The following CNTN1 variants were observed in gnomAD, a reference collection of about 807,000 sequenced individuals.
CNTN1 encodes the protein contactin 1.
CNTN1 carries 38 observed loss-of-function variants against 126.4 expected under a neutral mutation model. The observed-to-expected ratio is 0.30, with a 90% CI of 0.23 to 0.39. The LOEUF (loss-of-function observed/expected upper bound fraction) is 0.39, where lower values mean the gene tolerates loss of function less well. CNTN1 is among the 10% of genes least tolerant of loss of function. The pLI is 1.00. For missense variants in CNTN1, 1,009 were observed against 1,248.4 expected (o/e 0.81, Z 2.89); for synonymous variants, 413 against 422.6 (o/e 0.98, Z 0.28).
intron 1 of CNTN1, among the ~76,000 whole-genome samples, chr12:40,699,934 T>C (rs1331715819): frequency 2.0e-5 from 3 of 152,192 alleles, no homozygotes; most frequent in African/African-American, 7.2e-5. Context: ...ACAACAATCT[T>C]GATAATAATA....
chr12:40,986,187 C>T (rs1185950582), intron 16 of CNTN1, among the ~76,000 whole-genome samples: 1 of 152,152 alleles, frequency 6.6e-6, no homozygotes, highest in Non-Finnish European at 1.5e-5. Flanking sequence ...ATGATTTAAA[C>T]ATCTAGACCA....
intron 4 of CNTN1, among the ~76,000 whole-genome samples, chr12:40,919,612 A>G (rs1945363357): frequency 6.6e-6 from 1 of 152,182 alleles, no homozygotes; most frequent in Admixed American, 6.6e-5. Flanking sequence ...TTGATACAAA[A>G]GTAACTTTCT....
intron 1 of CNTN1, among the ~76,000 whole-genome samples, chr12:40,727,615 A>G (rs2121246678): frequency 6.6e-6 from 1 of 152,314 alleles, no homozygotes; most frequent in African/African-American, 2.4e-5. Flanking sequence ...TTTAGAAAAA[A>G]CACTTTATTT....
At chr12:40,919,337 G>A (rs2136860057) in intron 4 of CNTN1, among the ~76,000 whole-genome samples, 1 of 152,164 alleles carries the variant, frequency 6.6e-6, no homozygotes, top group South Asian at 2.1e-4. Context: ...ACATATGTAT[G>A]CTATCTAAAA....
At chr12:40,813,058 T>TCTTTCTTTCTTTCTTTCTTCCTTC (rs71078274) in intron 1 of CNTN1, among the ~76,000 whole-genome samples, 5 of 104,790 alleles carry the variant, frequency 4.8e-5, no homozygotes, top group Non-Finnish European at 8.2e-5. Context: ...TTTCTTTCTT[T>TCTTTCTTTCTTTCTTTCTTCCTTC]CTTCCTTCCT....
chr12:40,746,171 C>T (rs1938172459), intron 1 of CNTN1, among the ~76,000 whole-genome samples: 2 of 152,078 alleles, frequency 1.3e-5, no homozygotes, highest in South Asian at 4.1e-4. Flanking sequence ...GCATCAAATG[C>T]TCCTTTTTAA....
chr12:40,827,592 T>C (rs931638931), intron 1 of CNTN1, among the ~76,000 whole-genome samples: 4 of 152,212 alleles, frequency 2.6e-5, no homozygotes, highest in African/African-American at 7.2e-5. Context: ...GCAGAAAGTA[T>C]ATCTTTTGAA....
At chr12:40,770,704 A>T (rs746427972) in intron 1 of CNTN1, among the ~76,000 whole-genome samples, 24 of 152,168 alleles carry the variant, frequency 1.6e-4, no homozygotes, top group Non-Finnish European at 2.8e-4. Flanking sequence ...ATATGCCATT[A>T]ACAAAAATAT....
intron 14 of CNTN1, among the ~76,000 whole-genome samples, chr12:40,946,283 A>C (rs1592299213): frequency 6.6e-6 from 1 of 152,140 alleles, no homozygotes; most frequent in African/African-American, 2.4e-5. Flanking sequence ...CCTAACAGCT[A>C]TTAATTGCTT....
At chr12:40,978,081 C>T (rs193223215) in intron 15 of CNTN1, among the ~76,000 whole-genome samples, 3 of 152,112 alleles carry the variant, frequency 2.0e-5, no homozygotes, top group East Asian at 1.9e-4. Flanking sequence ...GGATTATAGA[C>T]GTGAGTTACC....
intron 20 of CNTN1, among the ~76,000 whole-genome samples, chr12:41,021,235 T>C (rs534626482): frequency 6.6e-6 from 1 of 152,248 alleles, no homozygotes; most frequent in East Asian, 1.9e-4. Context: ...GTCAGAGCAG[T>C]GTCTAAAACT....
At position 40,867,694 on chromosome 12, in the gene CNTN1, G is replaced by C. The variant is rs190782626; in HGVS notation, c.-76-40663G>C. ...GACAGATAATTTTTGAAGTTTTTCT[G>C]CTCTGACAGTGAGGGAAGTCTCCTG... On this transcript the variant is annotated intron_variant, in intron 1 of 23. Coordinates refer to ENST00000551295, the MANE Select transcript of CNTN1 (RefSeq NM_001843.4). Among the ~76,000 whole-genome samples the C allele has an allele frequency of 1.2e-3, 189 of 152,134 alleles. 1 individual carries two copies. The highest frequency in any genetic ancestry group is 2.1e-3 in the Non-Finnish European group (143 of 67,988).
chr12:40,781,658 G>A (rs1939809786), intron 1 of CNTN1, among the ~76,000 whole-genome samples: 1 of 151,952 alleles, frequency 6.6e-6, no homozygotes, highest in African/African-American at 2.4e-5. Flanking sequence ...TATCTGGGTT[G>A]AAATGAGTCA....
chr12:40,733,126 TA>T (rs1257363985), intron 1 of CNTN1, among the ~76,000 whole-genome samples: 3 of 152,048 alleles, frequency 2.0e-5, no homozygotes, highest in Non-Finnish European at 4.4e-5. Context: ...AGAATATTTA[TA>T]AACACAGTAA....
intron 1 of CNTN1, among the ~76,000 whole-genome samples, chr12:40,719,676 C>T (rs1411698021): frequency 6.6e-6 from 1 of 152,160 alleles, no homozygotes; most frequent in Non-Finnish European, 1.5e-5. Flanking sequence ...TTGCATGGTT[C>T]AAATGAAATA....
intron 1 of CNTN1, among the ~76,000 whole-genome samples, chr12:40,887,028 T>C (rs941117749): frequency 1.1e-4 from 17 of 152,198 alleles, no homozygotes; most frequent in African/African-American, 3.9e-4. Context: ...TTCTTTTGGC[T>C]TAGGATTGAC....
chr12:40,997,105 G>A (rs892970603), intron 17 of CNTN1, among the ~76,000 whole-genome samples: 4 of 152,164 alleles, frequency 2.6e-5, no homozygotes, highest in Non-Finnish European at 4.4e-5. Flanking sequence ...ATTATAAAAT[G>A]GATGCTCCCA....
chr12:41,016,126 T>G (rs1948774340), intron 18 of CNTN1, among the ~76,000 whole-genome samples: 1 of 151,998 alleles, frequency 6.6e-6, no homozygotes, highest in South Asian at 2.1e-4. Flanking sequence ...TTAATACATA[T>G]TACTTGAAGC....
chr12:40,846,385 G>A (rs1592151960), intron 1 of CNTN1, among the ~76,000 whole-genome samples: 2 of 152,160 alleles, frequency 1.3e-5, no homozygotes, highest in Non-Finnish European at 2.9e-5. Context: ...GGAGAATGGC[G>A]TGAATCCCGG....
Sources: gnomAD v4.1 joint callset for allele counts (sites outside exome capture counted in the v4.1 genomes callset) on GRCh38, gnomAD v4.1.1 for gene constraint, MANE v1.5 for transcripts, NCBI Gene and HGNC (gene_info 2026-07-23, HGNC 2026-07-21) for gene names.